PRLR: variants seen among roughly 807,000 people sequenced by gnomAD.
PRLR encodes prolactin receptor.
Under a neutral mutation model 40.2 loss-of-function variants are expected in PRLR, and 13 were observed. That is an observed-to-expected ratio of 0.32 (90% CI 0.21 to 0.51). The LOEUF (loss-of-function observed/expected upper bound fraction) is 0.51, where lower values mean the gene tolerates loss of function less well. Among genes scored for constraint, PRLR ranks in the 20% least tolerant of loss-of-function variants. The pLI is 0.97. For missense variants in PRLR, 656 were observed against 747.3 expected (o/e 0.88, Z 1.42); for synonymous variants, 269 against 278.7 (o/e 0.97, Z 0.35).
intron 1 of PRLR, among the ~76,000 whole-genome samples, chr5:35,144,531 G>T (rs1419641068): frequency 6.6e-6 from 1 of 152,112 alleles, no homozygotes; most frequent in Non-Finnish European, 1.5e-5. Flanking sequence ...TCGGCTCACT[G>T]CAACCTCTGC....
intron 1 of PRLR, among the ~76,000 whole-genome samples, chr5:35,229,950 C>A (rs1368448900): frequency 6.6e-6 from 1 of 152,182 alleles, no homozygotes; most frequent in Non-Finnish European, 1.5e-5. Context: ...GGTGAAGATG[C>A]CTTTGACAAA....
intron 2 of PRLR, among the ~76,000 whole-genome samples, chr5:35,108,772 T>C (rs1772443620): frequency 6.6e-6 from 1 of 152,118 alleles, no homozygotes; most frequent in Non-Finnish European, 1.5e-5. Context: ...ATCAACATCA[T>C]AAAAATGGCC....
intron 2 of PRLR, among the ~76,000 whole-genome samples, chr5:35,107,356 A>G (rs1416750149): frequency 6.6e-6 from 1 of 152,208 alleles, no homozygotes; most frequent in Non-Finnish European, 1.5e-5. Context: ...AGCTAGCAGA[A>G]GGCAAGAAAT....
intron 2 of PRLR, among the ~76,000 whole-genome samples, chr5:35,111,535 T>C (rs1772659370): frequency 1.3e-5 from 2 of 152,170 alleles, no homozygotes; most frequent in South Asian, 4.1e-4. Flanking sequence ...ACAAAAACAA[T>C]TCTGTACAAA....
At chr5:35,174,287 A>G (rs1303611190) in intron 1 of PRLR, among the ~76,000 whole-genome samples, 1 of 151,972 alleles carries the variant, frequency 6.6e-6, no homozygotes, top group Non-Finnish European at 1.5e-5. Context: ...ACGGAGTTTC[A>G]CCATGTTGCC....
chr5:35,211,853 C>T (rs1776176349), intron 1 of PRLR, among the ~76,000 whole-genome samples: 1 of 151,994 alleles, frequency 6.6e-6, no homozygotes, highest in African/African-American at 2.4e-5. Flanking sequence ...ATAGGTTAAA[C>T]AGATTTGAGG....
chr5:35,089,518 C>T, intron 3 of PRLR, 33 bp downstream of exon 3: 1 of 1,471,948 alleles, frequency 6.8e-7, no homozygotes, highest in Non-Finnish European at 9.5e-7. Context: ...ACACCCCAGG[C>T]AATGAAAGAG....
chr5:35,107,731 T>C (rs1452271256), intron 2 of PRLR, among the ~76,000 whole-genome samples: 1 of 152,048 alleles, frequency 6.6e-6, no homozygotes, highest in East Asian at 1.9e-4. Context: ...GAGGCAATAA[T>C]TAATAGCCTA....
chr5:35,199,869 C>T (rs1248562540), intron 1 of PRLR, among the ~76,000 whole-genome samples: 1 of 152,120 alleles, frequency 6.6e-6, no homozygotes, highest in Non-Finnish European at 1.5e-5. Flanking sequence ...AATAGAAACT[C>T]AGGACTGAGT....
chr5:35,077,659 A>C (rs2112427203), intron 5 of PRLR, among the ~76,000 whole-genome samples: 1 of 152,306 alleles, frequency 6.6e-6, no homozygotes, highest in Non-Finnish European at 1.5e-5. Context: ...ACAGAAAGTT[A>C]ACAAGGATAT....
intron 1 of PRLR, among the ~76,000 whole-genome samples, chr5:35,219,804 T>C (rs1471720852): frequency 6.6e-6 from 1 of 152,214 alleles, no homozygotes; most frequent in Non-Finnish European, 1.5e-5. Context: ...CTTAAACAAG[T>C]TAAGGTTAAA....
At chr5:35,101,244 A>T (rs1771858957) in intron 2 of PRLR, among the ~76,000 whole-genome samples, 1 of 152,206 alleles carries the variant, frequency 6.6e-6, no homozygotes, top group Non-Finnish European at 1.5e-5. Context: ...CTATTTTTAT[A>T]AAGTCATATA....
rs567144767 is a variant in PRLR at position 35,146,268 on chromosome 5, C to T, written c.-105-28146G>A. ...TAGATAAAACAAATGAATTTCATGG[C>T]CCCAAGGAGCTCATAGTGTAGGAAG... On this transcript the variant is annotated intron_variant, in intron 1 of 9. Coordinates refer to ENST00000618457, the MANE Select transcript of PRLR (RefSeq NM_000949.7). Among the ~76,000 whole-genome samples the T allele has an allele frequency of 3.9e-5, 6 of 152,274 alleles. No individual in the cohort carries two copies. In the East Asian group the frequency reaches 1.2e-3, roughly 29 times the overall value.
intron 1 of PRLR, among the ~76,000 whole-genome samples, chr5:35,206,127 G>T (rs1423730083): frequency 6.6e-6 from 1 of 152,122 alleles, no homozygotes; most frequent in Non-Finnish European, 1.5e-5. Flanking sequence ...GGAAGGAAAA[G>T]AGTGCTGGGT....
chr5:35,228,134 A>C (rs1426346028), intron 1 of PRLR, among the ~76,000 whole-genome samples: 1 of 151,544 alleles, frequency 6.6e-6, no homozygotes, highest in East Asian at 1.9e-4. Flanking sequence ...AGACTATTGA[A>C]CACTTATTTA....
At chr5:35,125,195 T>G (rs1015861087) in intron 1 of PRLR, among the ~76,000 whole-genome samples, 1 of 152,084 alleles carries the variant, frequency 6.6e-6, no homozygotes, top group Non-Finnish European at 1.5e-5. Flanking sequence ...GAAACACAGG[T>G]GGTTGTTCCA....
At chr5:35,088,056 G>T (rs1226066935) in intron 3 of PRLR, among the ~76,000 whole-genome samples, 1 of 152,200 alleles carries the variant, frequency 6.6e-6, no homozygotes, top group Admixed American at 6.5e-5. Flanking sequence ...GTTAGGAGGA[G>T]ACCTCAGTGA....
chr5:35,069,492 G>A (rs1279000919), intron 7 of PRLR, among the ~76,000 whole-genome samples: 1 of 152,210 alleles, frequency 6.6e-6, no homozygotes, highest in Non-Finnish European at 1.5e-5. Flanking sequence ...ACTTTCCTGT[G>A]TGGTTTTGGA....
At chr5:35,127,713 A>G (rs1391729532) in intron 1 of PRLR, among the ~76,000 whole-genome samples, 1 of 152,206 alleles carries the variant, frequency 6.6e-6, no homozygotes, top group African/African-American at 2.4e-5. Context: ...ACACGAATAA[A>G]CCTCAGAAAA....
Sources: allele counts gnomAD v4.1 joint callset (sites outside exome capture counted in the v4.1 genomes callset), GRCh38; gene constraint gnomAD v4.1.1; transcripts MANE v1.5; gene names NCBI Gene and HGNC (gene_info 2026-07-23, HGNC 2026-07-21).